The following ARHGAP21 variants were observed in gnomAD, a reference collection of about 807,000 sequenced individuals.
ARHGAP21 encodes Rho GTPase activating protein 21.
A neutral mutation model predicts 164.6 loss-of-function variants in ARHGAP21; 38 were observed. That is an observed-to-expected ratio of 0.23 (90% CI 0.18 to 0.30). The LOEUF (loss-of-function observed/expected upper bound fraction) is 0.30, where lower values mean the gene tolerates loss of function less well. Ranked by LOEUF, ARHGAP21 falls within the 10% of genes least tolerant of loss-of-function variation. The pLI, the probability that ARHGAP21 is intolerant of heterozygous loss-of-function variation, is 1.00. For synonymous variants in ARHGAP21, 766 were observed against 857.9 expected (o/e 0.89, Z 1.87); for missense variants, 1,822 against 2,370.7 (o/e 0.77, Z 4.81).
rs80134147 is a variant in ARHGAP21 at position 24,607,842 on chromosome 10, T to C, written c.2484A>G (p.Ile828Met). The C allele has an allele frequency of 4.8e-5, 78 of 1,614,082 alleles. No individual in the cohort carries two copies. The highest frequency in any genetic ancestry group is 6.5e-5 in the Non-Finnish European group (77 of 1,179,980). Reference sequence around the variant, plus strand: ...AGGGGACCTGAGAGGTAGAGGCTGATATAACAGCAGAGGCAGGGATATGTG... The same window carrying C: ...AGGGGACCTGAGAGGTAGAGGCTGACATAACAGCAGAGGCAGGGATATGTG... ...DIAHIPASAV[I>M]SASTSQVPSI... is the part of the protein sequence containing the mutation. The change falls in exon 10 of 26, where the codon ATA becomes ATG. Residue 828 changes from isoleucine (I) to methionine (M), a missense_variant. This residue lies in a region of ARHGAP21 where 1,090 missense variants were observed against 1,378.9 expected (regional missense o/e 0.79). Coordinates refer to ENST00000396432, the MANE Select transcript of ARHGAP21 (RefSeq NM_020824.4).
At chr10:24,592,515 GA>G (rs201063784) in intron 21 of ARHGAP21, among the ~76,000 whole-genome samples, 1 of 150,172 alleles carries the variant, frequency 6.7e-6, no homozygotes, top group Non-Finnish European at 1.5e-5. Flanking sequence ...AAAATCAAAG[GA>G]AAAAAAAACT....
At chr10:24,645,357 G>T (rs764983490) in intron 4 of ARHGAP21, among the ~76,000 whole-genome samples, 50 of 152,052 alleles carry the variant, frequency 3.3e-4, no homozygotes, top group Non-Finnish European at 6.8e-4. Context: ...GAGATGGGTT[G>T]ATCACCTGCA....
intron 2 of ARHGAP21, among the ~76,000 whole-genome samples, chr10:24,685,623 C>T (rs990477094): frequency 4.6e-5 from 7 of 152,158 alleles, no homozygotes; most frequent in Admixed American, 3.3e-4. Flanking sequence ...CACCTGTAAT[C>T]CCAGCACTTT....
Position 24,620,744 on chromosome 10 carries a change from A to G in ARHGAP21, c.1151T>C (p.Ile384Thr). 1 of 1,614,172 alleles carries G rather than the reference A, an allele frequency of 6.2e-7. No homozygotes were observed. The highest frequency in any genetic ancestry group is 8.5e-7 in the Non-Finnish European group (1 of 1,180,032). The change falls in exon 9 of 26, where the codon ATA (isoleucine) becomes ACA (threonine). Residue 384 changes from isoleucine (I) to threonine (T), a missense_variant. By Grantham distance (89) the Ile-to-Thr change is moderately conservative. Around this residue, in one of 5 missense-constraint regions of ARHGAP21, gnomAD observed 1,090 missense variants for 1,378.9 expected, o/e 0.79. Coordinates refer to ENST00000396432, the MANE Select transcript of ARHGAP21 (RefSeq NM_020824.4). Reference protein sequence around the residue: ...NHYSPNSHQHIDWKNYKTYKE... With the variant: ...NHYSPNSHQHTDWKNYKTYKE... Reference sequence around the variant, plus strand: ...GTAAGTTTTATAGTTTTTCCAGTCTATGTGCTGATGGGAATTTGGCGAATA... The same window carrying G: ...GTAAGTTTTATAGTTTTTCCAGTCTGTGTGCTGATGGGAATTTGGCGAATA...
At chr10:24,630,903 A>C (rs1835789756) in intron 6 of ARHGAP21, among the ~76,000 whole-genome samples, 1 of 152,188 alleles carries the variant, frequency 6.6e-6, no homozygotes, top group Non-Finnish European at 1.5e-5. Flanking sequence ...TAACTATATA[A>C]CATTTCAACT....
intron 4 of ARHGAP21, among the ~76,000 whole-genome samples, chr10:24,655,562 GC>G (rs1047892348): frequency 2.6e-5 from 4 of 152,002 alleles, no homozygotes; most frequent in African/African-American, 4.8e-5. Flanking sequence ...GCCCCGCGGG[GC>G]CCGAGGGCAA....
intron 2 of ARHGAP21, among the ~76,000 whole-genome samples, chr10:24,679,504 T>G (rs182904518): frequency 6.6e-6 from 1 of 152,324 alleles, no homozygotes; most frequent in Admixed American, 6.5e-5. Flanking sequence ...CCACAGCATA[T>G]AATTACATGT....
In ARHGAP21 at chr10:24,614,915, G is replaced by A. The variant is rs144337665; in HGVS notation, c.2422+4558C>T. Among the ~76,000 whole-genome samples the A allele has an allele frequency of 1.6e-3, 236 of 151,994 alleles. 5 individuals carry two copies. In the East Asian group the frequency reaches 0.038, roughly 24 times the overall value. On this transcript the variant is annotated intron_variant, in intron 9 of 25. Coordinates refer to ENST00000396432, the MANE Select transcript of ARHGAP21 (RefSeq NM_020824.4). ...AATAAAAGTTAATGTGGCCAGGTGC[G>A]GTGGCTCATACCTGTAATCCCAGCA... is the stretch of plus-strand genomic sequence containing the variant.
At chr10:24,665,907 G>T (rs1439491347) in intron 4 of ARHGAP21, among the ~76,000 whole-genome samples, 1 of 152,260 alleles carries the variant, frequency 6.6e-6, no homozygotes, top group Admixed American at 6.5e-5. Context: ...TTCCGGAAGA[G>T]AACAAGGATA....
rs1379604240 is a variant in ARHGAP21 at position 24,603,768 on chromosome 10, C to T, written c.2721+544G>A. Reference sequence around the variant, plus strand: ...ATCCCAGCACTTTGGGAGGCCAAGGCGGGCAGATCACCTGAGGTCAGGAGT... The same window carrying T: ...ATCCCAGCACTTTGGGAGGCCAAGGTGGGCAGATCACCTGAGGTCAGGAGT... On this transcript the variant is annotated intron_variant, in intron 12 of 25. Coordinates refer to ENST00000396432, the MANE Select transcript of ARHGAP21 (RefSeq NM_020824.4). 5.3e-5 allele frequency among the ~76,000 whole-genome samples: 8 copies of T among 152,138 alleles called. No homozygotes were observed. The East Asian group carries it at 1.4e-3, about 26-fold the overall frequency.
At chr10:24,684,886 C>G (rs1316738220) in intron 2 of ARHGAP21, among the ~76,000 whole-genome samples, 2 of 152,094 alleles carry the variant, frequency 1.3e-5, no homozygotes, top group Non-Finnish European at 2.9e-5. Flanking sequence ...TGATCCGCCC[C>G]CCTCAGCCTC....
chr10:24,596,439 A>T (rs1194641989), intron 17 of ARHGAP21: 12 of 521,170 alleles, frequency 2.3e-5, no homozygotes, highest in African/African-American at 4.0e-5. Flanking sequence ...TACTTTCTTA[A>T]TCAGGTCCTT....
chr10:24,665,543 G>A (rs1013799153), intron 4 of ARHGAP21, among the ~76,000 whole-genome samples: 4 of 152,088 alleles, frequency 2.6e-5, no homozygotes. Context: ...AAAAAATCTA[G>A]AAGAGGCAAA....
At chr10:24,629,466 AC>A (rs1835632187) in intron 7 of ARHGAP21, 1 of 152,446 alleles carries the variant, frequency 6.6e-6, no homozygotes, top group Admixed American at 6.6e-5. Flanking sequence ...TAAGTTGTAG[AC>A]TCCGTTCATT....
intron 2 of ARHGAP21, among the ~76,000 whole-genome samples, chr10:24,682,627 T>C (rs1841875454): frequency 1.3e-5 from 2 of 152,142 alleles, no homozygotes; most frequent in African/African-American, 4.8e-5. Context: ...GTTTATTGCA[T>C]GCTAAGTATG....
chr10:24,677,181 T>C (rs1047054273), intron 2 of ARHGAP21, among the ~76,000 whole-genome samples: 1 of 152,154 alleles, frequency 6.6e-6, no homozygotes, highest in Non-Finnish European at 1.5e-5. Flanking sequence ...GAACACGCCA[T>C]TGTACTCCTG....
At position 24,655,069 on chromosome 10, in the gene ARHGAP21, G is replaced by A. The variant is rs1298703237; in HGVS notation, c.268+11916C>T. ...TGCTGGGAAAACTGGCTAGCCATAC[G>A]TAGAAAGCTGAAACTGGATCCCTTC... On this transcript the variant is annotated intron_variant, in intron 4 of 25. Transcript: ENST00000396432. Among the ~76,000 whole-genome samples, 8 of 152,328 alleles carry A rather than the reference G, an allele frequency of 5.3e-5. No homozygotes were observed. In the South Asian group the frequency reaches 6.2e-4, roughly 12 times the overall value.
chr10:24,594,568 G>A (rs1171558565), intron 21 of ARHGAP21, among the ~76,000 whole-genome samples: 1 of 152,034 alleles, frequency 6.6e-6, no homozygotes, highest in Non-Finnish European at 1.5e-5. Flanking sequence ...AAAATGTGGT[G>A]GTGTTAAAAG....
intron 11 of ARHGAP21, 73 bp downstream of exon 11, chr10:24,607,426 G>C: frequency 8.1e-7 from 1 of 1,238,760 alleles, no homozygotes; most frequent in Non-Finnish European, 1.2e-6. Context: ...ATTAAATTCT[G>C]AACTTATGTG....
Sources: gnomAD v4.1 joint callset for allele counts (sites outside exome capture counted in the v4.1 genomes callset) on GRCh38, gnomAD v4.1.1 for gene constraint, gnomAD v4.1.1 regional missense constraint, MANE v1.5 for transcripts, NCBI Gene and HGNC (gene_info 2026-07-23, HGNC 2026-07-21) for gene names.